Variants in NAV2 observed in about 807,000 individuals in gnomAD.
NAV2 encodes neuron navigator 2.
Under a neutral mutation model 223.2 loss-of-function variants are expected in NAV2, and 54 were observed. The ratio of observed to expected loss-of-function variants is 0.24; its 90% CI spans 0.19 to 0.30. NAV2 has a LOEUF of 0.30. Ranked by LOEUF, NAV2 falls within the 10% of genes least tolerant of loss-of-function variation. The pLI is 1.00. For missense variants in NAV2, 2,806 were observed against 3,147.5 expected, an observed-to-expected ratio of 0.89 and a Z score of 2.60; for synonymous variants, 1,279 against 1,239.3, an observed-to-expected ratio of 1.03 and a Z score of -0.67.
At chr11:19,769,283 C>G (rs1487963641) in intron 1 of NAV2, among the ~76,000 whole-genome samples, 1 of 152,158 alleles carries the variant, frequency 6.6e-6, no homozygotes, top group Non-Finnish European at 1.5e-5. Flanking sequence ...TGAGAAATGC[C>G]CAGAACAGCT....
chr11:19,808,735 T>A (rs1468409755), intron 1 of NAV2, among the ~76,000 whole-genome samples: 2 of 152,222 alleles, frequency 1.3e-5, no homozygotes, highest in Non-Finnish European at 2.9e-5. Flanking sequence ...TGGTAAAACC[T>A]GGCTTATGTT....
At chr11:19,920,676 C>T (rs887764529) in intron 6 of NAV2, among the ~76,000 whole-genome samples, 2 of 152,132 alleles carry the variant, frequency 1.3e-5, no homozygotes, top group African/African-American at 4.8e-5. Context: ...TTTATTTTTA[C>T]TTATGAATAA....
At chr11:19,954,478 A>G (rs954920078) in intron 10 of NAV2, among the ~76,000 whole-genome samples, 1 of 152,172 alleles carries the variant, frequency 6.6e-6, no homozygotes, top group African/African-American at 2.4e-5. Context: ...AAATCTGTGG[A>G]TGCTCAAGTT....
chr11:20,120,530 C>T lies in NAV2; in HGVS notation c.*2272C>T, dbSNP rs2063422601. 1 of 152,604 alleles carries T rather than the reference C, an allele frequency of 6.6e-6. No individual in the cohort carries two copies. Among genetic ancestry groups the T allele is most frequent in the South Asian group, 2.1e-4 (1 of 4,826 alleles). The allele number at this position is 152,604 out of a possible 1,614,324, so 9.5% of individuals were successfully genotyped here. A position where few individuals can be genotyped will look rare whatever the true frequency, so the allele number is the denominator to read the frequency against. ...TGAATTTGGGAGGAGGTAAAGTTGA[C>T]TTCTCCTCGTGGGCAGTTTTCCAAT... On this transcript the variant is annotated 3_prime_UTR_variant, in exon 38 of 38. Transcript: ENST00000349880.
rs148422984 is a variant in NAV2 at position 19,526,077 on chromosome 11, G to A, written c.75+175050G>A. Among the ~76,000 whole-genome samples, 249 of 152,230 alleles carry A rather than the reference G, an allele frequency of 1.6e-3. 1 individual carries two copies. The highest frequency in any genetic ancestry group is 6.8e-3 in the Middle Eastern group (2 of 294). On this transcript the variant is annotated intron_variant, in intron 1 of 37. Coordinates refer to the NAV2 transcript ENST00000360655. ...CTTCTCTTTCAGCATCATGCTGAGA[G>A]GTCCACACATGGCCCTACTGCCACA...
chr11:20,067,917 C>A (rs940787540), intron 20 of NAV2, among the ~76,000 whole-genome samples: 5 of 152,138 alleles, frequency 3.3e-5, no homozygotes, highest in African/African-American at 1.2e-4. Context: ...ATCACCATCC[C>A]CGCCTGGGGA....
At chr11:19,356,263 G>C (rs543061597) in intron 1 of NAV2, among the ~76,000 whole-genome samples, 2 of 152,314 alleles carry the variant, frequency 1.3e-5, no homozygotes, top group African/African-American at 4.8e-5. Flanking sequence ...ACCTGACTCA[G>C]GTATAGGGTC....
intron 1 of NAV2, among the ~76,000 whole-genome samples, chr11:19,601,697 G>C (rs375553331): frequency 1.3e-5 from 2 of 152,238 alleles, no homozygotes. Context: ...ACAGAGCTGA[G>C]GTGCCCAGAG....
intron 1 of NAV2, among the ~76,000 whole-genome samples, chr11:19,524,979 T>C (rs552238552): frequency 1.2e-3 from 188 of 152,210 alleles, no homozygotes; most frequent in Non-Finnish European, 1.5e-3. Context: ...GGGGTTTTTT[T>C]CTTCCTGTTA....
chr11:19,457,138 T>C (rs1851984089), intron 1 of NAV2, among the ~76,000 whole-genome samples: 1 of 152,184 alleles, frequency 6.6e-6, no homozygotes, highest in South Asian at 2.1e-4. Context: ...TCTACTCTCA[T>C]AGAGTTTATA....
At chr11:19,443,774 A>G (rs1743199449) in intron 1 of NAV2, among the ~76,000 whole-genome samples, 1 of 152,182 alleles carries the variant, frequency 6.6e-6, no homozygotes, top group African/African-American at 2.4e-5. Context: ...CATCTTCTAA[A>G]ATGTCAGTTT....
chr11:19,608,509 G>C (rs1387010408), intron 1 of NAV2, among the ~76,000 whole-genome samples: 1 of 152,268 alleles, frequency 6.6e-6, no homozygotes, highest in African/African-American at 2.4e-5. Context: ...TCCACACAAA[G>C]TTTCAATTGA....
intron 1 of NAV2, among the ~76,000 whole-genome samples, chr11:19,692,106 C>T (rs2152265046): frequency 6.6e-6 from 1 of 152,350 alleles, no homozygotes; most frequent in Non-Finnish European, 1.5e-5. Flanking sequence ...AGGGGCGGCT[C>T]TTCTCCTGCC....
intron 1 of NAV2, among the ~76,000 whole-genome samples, chr11:19,387,426 C>T (rs1403457703): frequency 1.3e-5 from 2 of 152,104 alleles, no homozygotes; most frequent in Non-Finnish European, 2.9e-5. Context: ...GTAGTTCAGG[C>T]TGCTGGAGCA....
At chr11:19,930,187 T>G (rs191309553) in intron 6 of NAV2, among the ~76,000 whole-genome samples, 170 of 152,144 alleles carry the variant, frequency 1.1e-3, no homozygotes, top group Non-Finnish European at 1.9e-3. Flanking sequence ...GGGGAAAATG[T>G]CATGTGATAT....
At chr11:20,038,151 C>T (rs2056578583) in intron 12 of NAV2, among the ~76,000 whole-genome samples, 1 of 152,180 alleles carries the variant, frequency 6.6e-6, no homozygotes, top group African/African-American at 2.4e-5. Flanking sequence ...TGATAAACAA[C>T]TCGGATTTGT....
At chr11:19,588,465 C>T (rs2135113376) in intron 1 of NAV2, among the ~76,000 whole-genome samples, 1 of 152,274 alleles carries the variant, frequency 6.6e-6, no homozygotes, top group Middle Eastern at 3.4e-3. Flanking sequence ...ATTCTGACGG[C>T]AAGCATGCTG....
chr11:19,879,907 T>C lies in NAV2; in HGVS notation c.550T>C (p.Phe184Leu), dbSNP rs951466584. The C allele has an allele frequency of 4.0e-5, 65 of 1,613,792 alleles. No homozygotes were observed. Among genetic ancestry groups the C allele is most frequent in the Non-Finnish European group, 5.1e-5 (60 of 1,180,044 alleles). Residue 184 changes from phenylalanine (F) to leucine (L), a missense_variant, in exon 5 of 38, where the codon TTC (phenylalanine) becomes CTC (leucine). Around this residue, in one of 4 missense-constraint regions of NAV2, gnomAD observed 1,167 missense variants for 1,180.5 expected, o/e 0.99. Transcript: ENST00000349880. ...NGNLKAILGL[F>L]FSLSRYKQQQ... ...AAACCTCAAGGCCATTCTAGGCCTC[T>C]TCTTCAGCCTCTCCCGATACAAGCA...
At chr11:19,775,328 A>T (rs992449281) in intron 1 of NAV2, among the ~76,000 whole-genome samples, 7 of 152,182 alleles carry the variant, frequency 4.6e-5, no homozygotes, top group Admixed American at 4.6e-4. Flanking sequence ...ATGTGTGTAG[A>T]GATGTACATA....
Sources: allele counts gnomAD v4.1 joint callset (sites outside exome capture counted in the v4.1 genomes callset), GRCh38; gene constraint gnomAD v4.1.1; regional missense constraint gnomAD v4.1.1; transcripts MANE v1.5; gene names NCBI Gene and HGNC (gene_info 2026-07-23, HGNC 2026-07-21).